The following ADGRL3 variants were observed in gnomAD, a reference collection of about 807,000 sequenced individuals.
The protein encoded by ADGRL3 is adhesion G protein-coupled receptor L3.
ADGRL3 carries 62 observed loss-of-function variants against 153.5 expected under a neutral mutation model. The observed-to-expected ratio is 0.40, with a 90% CI of 0.33 to 0.50. The LOEUF (loss-of-function observed/expected upper bound fraction) is 0.50, where lower values mean the gene tolerates loss of function less well. Ranked by LOEUF, ADGRL3 falls within the 20% of genes least tolerant of loss-of-function variation. The probability of loss-of-function intolerance (pLI) is 0.47; values close to 1 mark genes in which losing one functional copy is unlikely to be tolerated. For synonymous variants in ADGRL3, 710 were observed against 672.5 expected, an observed-to-expected ratio of 1.06 and a Z score of -0.86; for missense variants, 1,641 against 1,859.4, an observed-to-expected ratio of 0.88 and a Z score of 2.16.
intron 5 of ADGRL3, among the ~76,000 whole-genome samples, chr4:61,607,004 A>G (rs2099034876): frequency 6.6e-6 from 1 of 152,162 alleles, no homozygotes; most frequent in African/African-American, 2.4e-5. Context: ...AGACTGTGGT[A>G]TTGCAGTAAA....
intron 22 of ADGRL3, among the ~76,000 whole-genome samples, chr4:62,029,704 G>GTTT (rs11337568): frequency 7.4e-6 from 1 of 134,246 alleles, no homozygotes; most frequent in Non-Finnish European, 1.6e-5. Flanking sequence ...TTCTTTTGTT[G>GTTT]TTTTTTTTTT....
rs1259171484 is a variant in ADGRL3, at chr4:62,010,810, A to G, written c.3395+12545A>G. 8.5e-5 allele frequency among the ~76,000 whole-genome samples: 13 copies of G among 152,136 alleles called. 1 individual carries two copies. In the South Asian group the frequency reaches 2.7e-3, roughly 32 times the overall value. On this transcript the variant is annotated intron_variant, in intron 21 of 26. Transcript: ENST00000683033. The stretch of plus-strand genomic sequence containing the variant: ...TATTTATATCATTAAAATATTAGTG[A>G]AAGAATCCAGTTATGATTCAGGGAT...
At chr4:61,330,831 G>C (rs147125221) in intron 1 of ADGRL3, among the ~76,000 whole-genome samples, 3,456 of 152,150 alleles carry the variant, frequency 0.023, 70 homozygotes, top group South Asian at 0.056. Flanking sequence ...ACAGAGTGCT[G>C]ATTGGTGCAT....
At chr4:61,479,835 A>C (rs920878939) in intron 2 of ADGRL3, among the ~76,000 whole-genome samples, 3 of 152,164 alleles carry the variant, frequency 2.0e-5, no homozygotes, top group Admixed American at 2.0e-4. Flanking sequence ...ATCTGTAAGA[A>C]TACAAAATTA....
chr4:61,695,267 G>A (rs1292697311), intron 6 of ADGRL3, among the ~76,000 whole-genome samples: 2 of 152,162 alleles, frequency 1.3e-5, no homozygotes, highest in African/African-American at 4.8e-5. Context: ...TTTTTAAATA[G>A]TAAGACTTAA....
chr4:61,913,041 A>G (rs1028773467), intron 13 of ADGRL3, among the ~76,000 whole-genome samples: 2 of 152,090 alleles, frequency 1.3e-5, no homozygotes, highest in African/African-American at 2.4e-5. Flanking sequence ...TATTTTTTTC[A>G]TAGAGGTGGG....
intron 4 of ADGRL3, among the ~76,000 whole-genome samples, chr4:61,565,951 C>A (rs1186545751): frequency 6.6e-6 from 1 of 152,008 alleles, no homozygotes. Flanking sequence ...TGAAATATAC[C>A]AAGTTTTTCT....
intron 17 of ADGRL3, among the ~76,000 whole-genome samples, chr4:61,948,711 G>T (rs990590811): frequency 1.3e-5 from 2 of 152,120 alleles, no homozygotes; most frequent in African/African-American, 4.8e-5. Flanking sequence ...GATACCCAGA[G>T]CATGGTAGTG....
At chr4:61,617,948 G>T (rs955263437) in intron 5 of ADGRL3, among the ~76,000 whole-genome samples, 5 of 152,168 alleles carry the variant, frequency 3.3e-5, no homozygotes, top group Non-Finnish European at 7.3e-5. Flanking sequence ...ACATAGGTTG[G>T]ATAGCTACTG....
At chr4:61,217,689 A>G (rs1743472881) in intron 1 of ADGRL3, among the ~76,000 whole-genome samples, 1 of 152,216 alleles carries the variant, frequency 6.6e-6, no homozygotes, top group Non-Finnish European at 1.5e-5. Flanking sequence ...AAATATTGAA[A>G]TGAAGATTTC....
At chr4:61,574,435 C>T (rs1234829146) in intron 4 of ADGRL3, among the ~76,000 whole-genome samples, 1 of 151,736 alleles carries the variant, frequency 6.6e-6, no homozygotes, top group Non-Finnish European at 1.5e-5. Context: ...GGCAAAATGC[C>T]TTCTGAACTT....
intron 5 of ADGRL3, among the ~76,000 whole-genome samples, chr4:61,652,674 C>T (rs374732882): frequency 6.6e-6 from 1 of 152,150 alleles, no homozygotes; most frequent in African/African-American, 2.4e-5. Context: ...CATCTGGACA[C>T]CTGTATGCTC....
At chr4:61,343,408 C>T (rs915915171) in intron 1 of ADGRL3, among the ~76,000 whole-genome samples, 13 of 152,142 alleles carry the variant, frequency 8.5e-5, no homozygotes, top group African/African-American at 2.9e-4. Flanking sequence ...TGCAAGTACT[C>T]TCAGAAACCT....
intron 8 of ADGRL3, among the ~76,000 whole-genome samples, chr4:61,736,862 C>G (rs2096524506): frequency 6.6e-6 from 1 of 152,100 alleles, no homozygotes; most frequent in African/African-American, 2.4e-5. Context: ...AAAAAACTAT[C>G]AATTTTCATG....
chr4:61,544,003 G>C (rs1249062763), intron 4 of ADGRL3, among the ~76,000 whole-genome samples: 1 of 152,158 alleles, frequency 6.6e-6, no homozygotes, highest in Non-Finnish European at 1.5e-5. Flanking sequence ...TTATGTGATG[G>C]AACTACTTAG....
chr4:61,695,837 G>A (rs1189441355), intron 6 of ADGRL3, among the ~76,000 whole-genome samples: 3 of 152,110 alleles, frequency 2.0e-5, no homozygotes, highest in Non-Finnish European at 2.9e-5. Flanking sequence ...ATAACTTGCT[G>A]CAGCCTCTCC....
chr4:61,537,009 A>C (rs2098660765), intron 4 of ADGRL3, among the ~76,000 whole-genome samples: 1 of 152,040 alleles, frequency 6.6e-6, no homozygotes, highest in Admixed American at 6.6e-5. Flanking sequence ...CTTTTATGTT[A>C]GTGCATATTA....
At chr4:61,372,154 A>G (rs2096540245) in intron 1 of ADGRL3, among the ~76,000 whole-genome samples, 1 of 151,760 alleles carries the variant, frequency 6.6e-6, no homozygotes, top group Admixed American at 6.6e-5. Flanking sequence ...AAAGTTTTCA[A>G]CTTCTTTTCC....
chr4:61,757,491 A>G (rs1197354206), intron 8 of ADGRL3, among the ~76,000 whole-genome samples: 5 of 151,574 alleles, frequency 3.3e-5, no homozygotes, highest in Admixed American at 2.6e-4. Flanking sequence ...TTTTTATTGC[A>G]TCTATTTTAT....
Sources: gnomAD v4.1 joint callset for allele counts (sites outside exome capture counted in the v4.1 genomes callset) on GRCh38, gnomAD v4.1.1 for gene constraint, MANE v1.5 for transcripts, NCBI Gene and HGNC (gene_info 2026-07-23, HGNC 2026-07-21) for gene names.